PHF21B: variants seen among roughly 807,000 people sequenced by gnomAD.
PHF21B encodes the protein PHD finger protein 21B.
Under a neutral mutation model 62.2 loss-of-function variants are expected in PHF21B, and 22 were observed. The ratio of observed to expected loss-of-function variants is 0.35; its 90% CI spans 0.25 to 0.51. PHF21B has a LOEUF of 0.51. Ranked by LOEUF, PHF21B falls within the 20% of genes least tolerant of loss-of-function variation. The probability of loss-of-function intolerance (pLI) is 0.97; values close to 1 mark genes in which losing one functional copy is unlikely to be tolerated. For synonymous variants in PHF21B, 341 were observed against 314.7 expected, an observed-to-expected ratio of 1.08 and a Z score of -0.88; for missense variants, 701 against 707.9, an observed-to-expected ratio of 0.99 and a Z score of 0.11.
At chr22:44,977,916 C>T (rs532301349) in intron 2 of PHF21B, among the ~76,000 whole-genome samples, 2 of 152,232 alleles carry the variant, frequency 1.3e-5, no homozygotes, top group African/African-American at 4.8e-5. Context: ...TAAATGAAAT[C>T]ATATGAAGTT....
At chr22:44,937,360 G>T (rs1051732288) in intron 2 of PHF21B, among the ~76,000 whole-genome samples, 1 of 152,200 alleles carries the variant, frequency 6.6e-6, no homozygotes, top group African/African-American at 2.4e-5. Flanking sequence ...ACAGCCAGGC[G>T]GCCACCAGGT....
Position 44,974,429 on chromosome 22 carries a change from C to T in PHF21B, c.120+34116G>A, listed in dbSNP as rs926111957. 2.6e-4 allele frequency among the ~76,000 whole-genome samples: 39 copies of T among 150,944 alleles called. 1 individual carries two copies. The highest frequency in any genetic ancestry group is 8.6e-4 in the African/African-American group (35 of 40,894). The stretch of plus-strand genomic sequence containing the variant: ...TGTCTTAAAAAAAAAAAAAAAAATG[C>T]ATATGCTTAAGGACACAGAGGTCTG... On this transcript the variant is annotated intron_variant, in intron 2 of 12. Transcript: ENST00000313237.
chr22:45,007,226 C>A (rs1487305443), intron 2 of PHF21B, among the ~76,000 whole-genome samples: 5 of 42,924 alleles, frequency 1.2e-4, no homozygotes, highest in Non-Finnish European at 2.5e-4. Flanking sequence ...AAGCCCGGCC[C>A]CCCCCAAAAC....
intron 5 of PHF21B, among the ~76,000 whole-genome samples, chr22:44,908,104 C>T (rs186221313): frequency 8.8e-4 from 134 of 152,306 alleles, no homozygotes; most frequent in Middle Eastern, 3.4e-3. Context: ...CACGACTGAG[C>T]GGTTCGGGTC....
rs572343649 is a variant in PHF21B at position 44,882,186 on chromosome 22, C to T, written c.*900G>A. On this transcript the variant is annotated 3_prime_UTR_variant, in exon 13 of 13. Coordinates refer to ENST00000313237, the MANE Select transcript of PHF21B (RefSeq NM_138415.5). ...TACTTATCGGCTCTTCCAAAGGAGACAAGAAAGGGCTTCAGTCGTTAAGTT... is the reference window on the plus strand; with the variant it reads ...TACTTATCGGCTCTTCCAAAGGAGATAAGAAAGGGCTTCAGTCGTTAAGTT... 45 of 152,694 alleles carry T rather than the reference C, an allele frequency of 2.9e-4. No homozygotes were observed. The highest frequency in any genetic ancestry group is 1.1e-3 in the African/African-American group (44 of 41,520). The allele number at this position is 152,694 out of a possible 1,614,324, so 9.5% of individuals were successfully genotyped here.
intron 2 of PHF21B, chr22:44,969,129 G>A (rs909699581): frequency 6.6e-6 from 1 of 152,258 alleles, no homozygotes; most frequent in Non-Finnish European, 1.5e-5. Flanking sequence ...TTGGACGGAC[G>A]AAGCAGGACA....
intron 3 of PHF21B, 87 bp from the exon 4 acceptor site, chr22:44,916,717 A>G: frequency 8.4e-7 from 1 of 1,191,768 alleles, no homozygotes; most frequent in African/African-American, 1.5e-5. Flanking sequence ...GACTTCCTAT[A>G]TTCAAGGGGA....
At position 44,998,824 on chromosome 22, in the gene PHF21B, T is replaced by A. The variant is rs369377403; in HGVS notation, c.120+9721A>T. ...TCTCTACTCAACTCCTGGCTGCACCTCGGGAATCACGCCCGGTGCGTACAA... is the reference window on the plus strand; with the variant it reads ...TCTCTACTCAACTCCTGGCTGCACCACGGGAATCACGCCCGGTGCGTACAA... On this transcript the variant is annotated intron_variant, in intron 2 of 12. Coordinates refer to ENST00000313237, the MANE Select transcript of PHF21B (RefSeq NM_138415.5). 3.3e-5 allele frequency among the ~76,000 whole-genome samples: 5 copies of A among 152,260 alleles called. No homozygotes were observed. In the East Asian group the frequency reaches 7.7e-4, roughly 24 times the overall value.
At chr22:44,999,528 C>T (rs1039180593) in intron 2 of PHF21B, among the ~76,000 whole-genome samples, 8 of 152,086 alleles carry the variant, frequency 5.3e-5, no homozygotes, top group South Asian at 4.2e-4. Context: ...ACTTCTATTT[C>T]GGAGCAAAAG....
intron 2 of PHF21B, among the ~76,000 whole-genome samples, chr22:44,947,971 G>GCTGTTGTC (rs2072109180): frequency 7.3e-6 from 1 of 136,552 alleles, no homozygotes; most frequent in African/African-American, 2.8e-5. Context: ...GGGCGCCAGA[G>GCTGTTGTC]CCTCCTCCCC....
At chr22:44,969,796 C>T (rs2072602502) in intron 2 of PHF21B, among the ~76,000 whole-genome samples, 1 of 152,194 alleles carries the variant, frequency 6.6e-6, no homozygotes, top group African/African-American at 2.4e-5. Flanking sequence ...GCTATCTCAC[C>T]TGATCCTTGC....
intron 2 of PHF21B, among the ~76,000 whole-genome samples, chr22:44,993,213 T>C (rs748763109): frequency 4.6e-5 from 7 of 152,088 alleles, no homozygotes; most frequent in African/African-American, 7.2e-5. Context: ...CTGGCTGGGA[T>C]ACAGTTTAAC....
chr22:44,935,161 G>T (rs1362451023), intron 2 of PHF21B, among the ~76,000 whole-genome samples: 1 of 152,158 alleles, frequency 6.6e-6, no homozygotes, highest in Non-Finnish European at 1.5e-5. Context: ...CTAACTGGAA[G>T]CTTCAGGAAC....
At position 44,994,321 on chromosome 22, in the gene PHF21B, A is replaced by C. The variant is rs944393763; in HGVS notation, c.120+14224T>G. On this transcript the variant is annotated intron_variant, in intron 2 of 12. Transcript: ENST00000313237. The stretch of plus-strand genomic sequence containing the variant: ...CCTAAATCCCATGACTGGCGAGCTT[A>C]TAAGACAAGGAGAAAAGACTCCCAG... Among the ~76,000 whole-genome samples, 9 of 152,348 alleles carry C rather than the reference A, an allele frequency of 5.9e-5. 1 individual carries two copies.
intron 2 of PHF21B, among the ~76,000 whole-genome samples, chr22:44,993,765 G>A (rs2073077512): frequency 6.6e-6 from 1 of 152,214 alleles, no homozygotes; most frequent in South Asian, 2.1e-4. Context: ...CCCTATTTAG[G>A]TCGGCTGTGC....
intron 5 of PHF21B, among the ~76,000 whole-genome samples, chr22:44,897,761 G>A (rs747279914): frequency 1.3e-5 from 2 of 152,028 alleles, no homozygotes; most frequent in African/African-American, 2.4e-5. Context: ...AAGAACCAAC[G>A]TCGGTACATT....
At chr22:44,904,365 C>G (rs183151864) in intron 5 of PHF21B, among the ~76,000 whole-genome samples, 3 of 152,280 alleles carry the variant, frequency 2.0e-5, no homozygotes, top group Admixed American at 6.5e-5. Context: ...TTCTTATACC[C>G]ACTGGCTGTC....
intron 2 of PHF21B, among the ~76,000 whole-genome samples, chr22:45,007,054 C>T (rs1201961040): frequency 6.6e-6 from 1 of 151,952 alleles, no homozygotes; most frequent in African/African-American, 2.4e-5. Context: ...GGCCCCCCTC[C>T]GGCGGGAATG....
At chr22:44,970,323 T>C (rs2072613475) in intron 2 of PHF21B, among the ~76,000 whole-genome samples, 1 of 152,192 alleles carries the variant, frequency 6.6e-6, no homozygotes, top group African/African-American at 2.4e-5. Context: ...AGGCTCGAGA[T>C]TCCAGGAATT....
Sources: allele counts gnomAD v4.1 joint callset (sites outside exome capture counted in the v4.1 genomes callset), GRCh38; gene constraint gnomAD v4.1.1; transcripts MANE v1.5; gene names NCBI Gene and HGNC (gene_info 2026-07-23, HGNC 2026-07-21).